CNTN5: variants seen among roughly 807,000 people sequenced by gnomAD.
CNTN5 encodes contactin-5.
In CNTN5, 77 loss-of-function variants were observed where a neutral mutation model predicts 129.1. The ratio of observed to expected loss-of-function variants is 0.60; its 90% CI spans 0.50 to 0.72. CNTN5 has a LOEUF of 0.72. CNTN5 is among the 30% of genes least tolerant of loss of function. The pLI is 0.00. For synonymous variants in CNTN5, 509 were observed against 465.6 expected (o/e 1.09, Z -1.20); for missense variants, 1,478 against 1,328.8 (o/e 1.11, Z -1.75).
chr11:99,720,015 T>A (rs1405332421), intron 3 of CNTN5, among the ~76,000 whole-genome samples: 1 of 151,852 alleles, frequency 6.6e-6, no homozygotes, highest in African/African-American at 2.4e-5. Context: ...CAATAACAAG[T>A]TGCAAAATTA....
intron 2 of CNTN5, among the ~76,000 whole-genome samples, chr11:99,504,359 G>A (rs951179275): frequency 4.6e-5 from 7 of 151,718 alleles, no homozygotes; most frequent in African/African-American, 7.3e-5. Context: ...TGGCTAACAC[G>A]GTGAAACCCC....
chr11:99,881,429 G>T (rs1948768926), intron 6 of CNTN5, among the ~76,000 whole-genome samples: 1 of 152,064 alleles, frequency 6.6e-6, no homozygotes, highest in South Asian at 2.1e-4. Flanking sequence ...TTTTACATGG[G>T]GAATGTATGG....
chr11:99,878,689 C>G lies in CNTN5; in HGVS notation c.577+33427C>G, dbSNP rs556751555. On this transcript the variant is annotated intron_variant, in intron 6 of 24. Transcript: ENST00000524871. ...TGGCCAACATGGTGAAACCCCGTCT[C>G]TACTAGAAATCCAAAAATTAGCCGG... 2.0e-5 allele frequency among the ~76,000 whole-genome samples: 3 copies of G among 152,062 alleles called. No homozygotes were observed. The East Asian group carries it at 5.9e-4, about 30-fold the overall frequency.
intron 8 of CNTN5, among the ~76,000 whole-genome samples, chr11:99,982,200 C>T (rs558249281): frequency 3.3e-5 from 5 of 152,142 alleles, no homozygotes; most frequent in Admixed American, 3.3e-4. Context: ...TGAACAGAGC[C>T]GGGGCTATGG....
At chr11:99,452,533 C>T (rs146986778) in intron 2 of CNTN5, among the ~76,000 whole-genome samples, 302 of 151,948 alleles carry the variant, frequency 2.0e-3, no homozygotes, top group Non-Finnish European at 3.1e-3. Flanking sequence ...CCACCACACC[C>T]GGCTAATTTT....
chr11:100,257,311 A>G (rs998092896), intron 17 of CNTN5, among the ~76,000 whole-genome samples: 1 of 152,120 alleles, frequency 6.6e-6, no homozygotes, highest in African/African-American at 2.4e-5. Flanking sequence ...TAAAACTCCC[A>G]TCTCCCTGGG....
intron 7 of CNTN5, among the ~76,000 whole-genome samples, chr11:99,918,768 G>A (rs536399469): frequency 7.2e-5 from 11 of 152,086 alleles, no homozygotes; most frequent in African/African-American, 2.2e-4. Flanking sequence ...CCTGTTCTTC[G>A]TCCCCTACTT....
intron 2 of CNTN5, among the ~76,000 whole-genome samples, chr11:99,515,453 C>G (rs78126324): frequency 1.3e-4 from 20 of 152,018 alleles, no homozygotes; most frequent in South Asian, 4.1e-4. Flanking sequence ...CTTAATAGAA[C>G]AAACTGACAA....
At chr11:99,527,592 C>A (rs972837044) in intron 2 of CNTN5, among the ~76,000 whole-genome samples, 4 of 151,768 alleles carry the variant, frequency 2.6e-5, no homozygotes, top group Admixed American at 2.0e-4. Flanking sequence ...ACAAAAGTGA[C>A]AAGGTAAACA....
intron 6 of CNTN5, among the ~76,000 whole-genome samples, chr11:99,894,586 A>G (rs1949155885): frequency 6.6e-6 from 1 of 151,644 alleles, no homozygotes; most frequent in Non-Finnish European, 1.5e-5. Flanking sequence ...CAAAACAAAC[A>G]AACAAAAAAA....
chr11:99,226,162 GC>G (rs748163792), intron 1 of CNTN5, among the ~76,000 whole-genome samples: 29 of 152,222 alleles, frequency 1.9e-4, no homozygotes, highest in Non-Finnish European at 3.7e-4. Flanking sequence ...TCTTAAAAGG[GC>G]CTTAGGCTCT....
chr11:99,840,577 G>A (rs937433036), intron 4 of CNTN5, among the ~76,000 whole-genome samples: 3 of 151,650 alleles, frequency 2.0e-5, no homozygotes, highest in Admixed American at 1.3e-4. Context: ...AACCACTGAC[G>A]TTGTATGTTC....
At position 100,286,036 on chromosome 11, in the gene CNTN5, C is replaced by T. The variant is rs181472734; in HGVS notation, c.2315-11589C>T. 7.7e-3 allele frequency among the ~76,000 whole-genome samples: 1,178 copies of T among 152,324 alleles called. 21 individuals are homozygous for T. The highest frequency in any genetic ancestry group is 0.026 in the African/African-American group (1,099 of 41,586). On this transcript the variant is annotated intron_variant, in intron 18 of 24. Coordinates refer to ENST00000524871, the MANE Select transcript of CNTN5 (RefSeq NM_014361.4). The stretch of plus-strand genomic sequence containing the variant: ...TCGGGTCACTCCCACCCTAATACTG[C>T]GCTTTTCCGATAGGCTTAAAAAACG...
chr11:99,992,280 G>T (rs1939159713), intron 8 of CNTN5, among the ~76,000 whole-genome samples: 2 of 152,140 alleles, frequency 1.3e-5, no homozygotes, highest in Admixed American at 1.3e-4. Flanking sequence ...ATAGACATTG[G>T]CCTATCAGAA....
At chr11:99,766,278 C>G (rs910810290) in intron 3 of CNTN5, among the ~76,000 whole-genome samples, 79 of 152,070 alleles carry the variant, frequency 5.2e-4, no homozygotes, top group African/African-American at 1.8e-3. Flanking sequence ...CCTTCACTGT[C>G]CCAAGCACAG....
chr11:99,295,736 C>T lies in CNTN5; in HGVS notation c.-209-29610C>T, dbSNP rs967617134. ...CTAAAAATACAAAAAATTAGCCGGG[C>T]GCGGTGGCGGGCGCCTGTAGTCCCA... On this transcript the variant is annotated intron_variant, in intron 1 of 24. Transcript: ENST00000524871. Among the ~76,000 whole-genome samples, 9 of 151,638 alleles carry T rather than the reference C, an allele frequency of 5.9e-5. 1 individual carries two copies. The highest frequency in any genetic ancestry group is 4.2e-4 in the South Asian group (2 of 4,786).
intron 1 of CNTN5, among the ~76,000 whole-genome samples, chr11:99,317,305 G>A (rs1865384238): frequency 6.6e-6 from 1 of 152,120 alleles, no homozygotes; most frequent in Non-Finnish European, 1.5e-5. Context: ...ACCCTACACT[G>A]AGGCAGCCAA....
chr11:99,811,705 G>T (rs952670859), intron 3 of CNTN5, among the ~76,000 whole-genome samples: 2 of 151,800 alleles, frequency 1.3e-5, no homozygotes, highest in East Asian at 3.9e-4. Flanking sequence ...TTTAATGAAG[G>T]TATTAATATT....
intron 7 of CNTN5, among the ~76,000 whole-genome samples, chr11:99,949,893 T>A (rs561570745): frequency 6.6e-6 from 1 of 152,340 alleles, no homozygotes; most frequent in Non-Finnish European, 1.5e-5. Context: ...CATATTATTT[T>A]ATTTATCTTA....
Sources: gnomAD v4.1 joint callset for allele counts (sites outside exome capture counted in the v4.1 genomes callset) on GRCh38, gnomAD v4.1.1 for gene constraint, MANE v1.5 for transcripts, NCBI Gene and HGNC (gene_info 2026-07-23, HGNC 2026-07-21) for gene names.